GHRHR: variants seen among roughly 807,000 people sequenced by gnomAD.
GHRHR encodes the protein growth hormone-releasing hormone receptor.
A neutral mutation model predicts 58.3 loss-of-function variants in GHRHR; 40 were observed. The ratio of observed to expected loss-of-function variants is 0.69; its 90% CI spans 0.53 to 0.89. The LOEUF is 0.89. Ranked by LOEUF, GHRHR falls within the 40% of genes least tolerant of loss-of-function variation. The probability of loss-of-function intolerance (pLI) is 0.00; values close to 1 mark genes in which losing one functional copy is unlikely to be tolerated. For synonymous variants in GHRHR, 249 were observed against 216.6 expected (o/e 1.15, Z -1.31); for missense variants, 551 against 541.3 (o/e 1.02, Z -0.18).
At position 30,964,144 on chromosome 7, in the gene GHRHR, C is replaced by A. The variant is rs899448588; in HGVS notation, c.57+19C>A. 4.5e-6 allele frequency: 7 copies of A among 1,543,924 alleles called. No homozygotes were observed. In the Admixed American group the frequency reaches 9.8e-5, roughly 22 times the overall value. On this transcript the variant is annotated intron_variant, in intron 1 of 12. Transcript: ENST00000326139. ...ACCGACCGTGAGTAGCCAGCTGAGA[C>A]CCTCTGGCCTCTGCCACTGGGCTCC... is the stretch of plus-strand genomic sequence containing the variant.
chr7:30,965,103 G>A (rs910674926), intron 1 of GHRHR, among the ~76,000 whole-genome samples: 1 of 150,864 alleles, frequency 6.6e-6, no homozygotes. Flanking sequence ...CCGCTGGCCC[G>A]GGTCACTGTG....
At chr7:30,976,784 GCATCCATCCATCCATCCATA>G (rs1477294762) in intron 11 of GHRHR, among the ~76,000 whole-genome samples, 1 of 150,496 alleles carries the variant, frequency 6.6e-6, no homozygotes, top group Non-Finnish European at 1.5e-5. Context: ...ATCCATCCGT[GCATCCATCCATCCATCCATA>G]CATCCATCTA....
At chr7:30,976,719 C>T (rs879884306) in intron 11 of GHRHR, among the ~76,000 whole-genome samples, 161 bp downstream of exon 11, 6 of 152,148 alleles carry the variant, frequency 3.9e-5, no homozygotes, top group South Asian at 2.1e-4. Context: ...CACCCATCTA[C>T]GTATTCAACT....
At chr7:30,974,732 G>A (rs1047142983) in intron 8 of GHRHR, among the ~76,000 whole-genome samples, 2 of 152,136 alleles carry the variant, frequency 1.3e-5, no homozygotes, top group African/African-American at 2.4e-5. Flanking sequence ...CTGCCAGGGG[G>A]CCAGCAAGGA....
chr7:30,977,342 A>T lies in GHRHR; in HGVS notation c.1146+20A>T. On this transcript the variant is annotated intron_variant, in intron 12 of 12. Transcript: ENST00000326139. ...CAAGAGGTGTGTGATTTTTGAGGCT[A>T]TCCCTCATGGAGTCCCCCTCCCACC... 1 of 1,610,972 alleles carries T rather than the reference A, an allele frequency of 6.2e-7. No homozygotes were observed. Among genetic ancestry groups the T allele is most frequent in the Middle Eastern group, 1.7e-4 (1 of 6,020 alleles).
chr7:30,964,307 C>A (rs1391935962), intron 1 of GHRHR, among the ~76,000 whole-genome samples, 182 bp downstream of exon 1: 1 of 152,228 alleles, frequency 6.6e-6, no homozygotes, highest in African/African-American at 2.4e-5. Context: ...TCCCTCATCT[C>A]CCTCTGCCCA....
chr7:30,978,067 C>T (rs1035048245), intron 12 of GHRHR, among the ~76,000 whole-genome samples: 4 of 152,238 alleles, frequency 2.6e-5, no homozygotes, highest in African/African-American at 9.6e-5. Context: ...CATGCGCTCC[C>T]TCTGCTGGCC....
chr7:30,969,073 G>T lies in GHRHR; in HGVS notation c.171G>T (p.Ala57=). Reference sequence around the variant, plus strand: ...TGGCTCTCTATCCAGGCTGCCCTGCGACCTGGGATGGGCTGCTGTGCTGGC... The same window carrying T: ...TGGCTCTCTATCCAGGCTGCCCTGCTACCTGGGATGGGCTGCTGTGCTGGC... ...EMPNTTLGCP[A]TWDGLLCWPT... is the part of the protein sequence containing the mutation. Residue 57 remains alanine (A), a synonymous_variant, in exon 3 of 13, where the codon GCG becomes GCT. Coordinates refer to ENST00000326139, the MANE Select transcript of GHRHR (RefSeq NM_000823.4). 6.3e-7 allele frequency: 1 copy of T among 1,579,346 alleles called. No homozygotes were observed. Among genetic ancestry groups the T allele is most frequent in the Non-Finnish European group, 8.6e-7 (1 of 1,162,100 alleles).
intron 12 of GHRHR, 142 bp downstream of exon 12, chr7:30,977,464 T>G (rs1443817617): frequency 1.3e-6 from 1 of 777,002 alleles, no homozygotes; most frequent in East Asian, 2.4e-5. Context: ...TAGTCTGTCC[T>G]GAGCTTCTGG....
At chr7:30,969,799 T>C (rs1792441927) in intron 3 of GHRHR, 68 bp from the exon 4 acceptor site, 1 of 1,514,992 alleles carries the variant, frequency 6.6e-7, no homozygotes, top group Non-Finnish European at 9.2e-7. Flanking sequence ...TGATGGTCCC[T>C]GGCACCCCCA....
chr7:30,965,398 G>A (rs1295701815), intron 1 of GHRHR, among the ~76,000 whole-genome samples: 1 of 131,724 alleles, frequency 7.6e-6, no homozygotes, highest in Admixed American at 7.1e-5. Context: ...TCCCCTCAGG[G>A]GTGGGTGGGG....
At chr7:30,968,782 C>G (rs953244912) in intron 1 of GHRHR, 52 bp from the exon 2 acceptor site, 71 of 1,233,898 alleles carry the variant, frequency 5.8e-5, no homozygotes, top group Admixed American at 1.4e-4. Context: ...GACCACAGAG[C>G]CCAGAAAGAC....
chr7:30,977,599 A>T (rs1407458314), intron 12 of GHRHR, among the ~76,000 whole-genome samples: 1 of 152,166 alleles, frequency 6.6e-6, no homozygotes, highest in East Asian at 1.9e-4. Context: ...GAGGGGGATT[A>T]GGGTAGGGAG....
chr7:30,970,507 T>C (rs1485008749), intron 4 of GHRHR, among the ~76,000 whole-genome samples: 1 of 152,232 alleles, frequency 6.6e-6, no homozygotes, highest in Non-Finnish European at 1.5e-5. Context: ...AGGTAAAGCA[T>C]GACTGTAACC....
chr7:30,973,021 G>T (rs1301279811), intron 6 of GHRHR, among the ~76,000 whole-genome samples: 2 of 152,148 alleles, frequency 1.3e-5, no homozygotes, highest in Non-Finnish European at 2.9e-5. Flanking sequence ...ACTATTGATT[G>T]CCTACTGTTG....
At chr7:30,965,840 C>T (rs1274846290) in intron 1 of GHRHR, among the ~76,000 whole-genome samples, 3 of 152,232 alleles carry the variant, frequency 2.0e-5, no homozygotes, top group African/African-American at 7.2e-5. Flanking sequence ...GGCCCATCTG[C>T]CCTCCTGCTC....
intron 4 of GHRHR, among the ~76,000 whole-genome samples, chr7:30,970,257 T>G (rs1350393782): frequency 6.6e-6 from 1 of 152,110 alleles, no homozygotes; most frequent in East Asian, 1.9e-4. Flanking sequence ...GAGCTTAAAG[T>G]GGTTCCAGAG....
intron 2 of GHRHR, 58 bp downstream of exon 2, chr7:30,968,994 C>A: frequency 6.5e-7 from 1 of 1,544,758 alleles, no homozygotes; most frequent in Non-Finnish European, 8.9e-7. Context: ...CCTCCAGCCT[C>A]ACCCCTCGGA....
intron 4 of GHRHR, among the ~76,000 whole-genome samples, chr7:30,970,516 C>T (rs1792460883): frequency 6.6e-6 from 1 of 152,228 alleles, no homozygotes; most frequent in Admixed American, 6.5e-5. Flanking sequence ...ATGACTGTAA[C>T]CATTTTTCAG....
Sources: allele counts gnomAD v4.1 joint callset (sites outside exome capture counted in the v4.1 genomes callset), GRCh38; gene constraint gnomAD v4.1.1; transcripts MANE v1.5; gene names NCBI Gene and HGNC (gene_info 2026-07-23, HGNC 2026-07-21).